C2orf74: variants seen among roughly 807,000 people sequenced by gnomAD.
C2orf74 encodes the protein DPM1 ER membrane anchor 1.
C2orf74 carries 14 observed loss-of-function variants against 17.9 expected under a neutral mutation model. The observed-to-expected ratio is 0.78, with a 90% confidence interval of 0.52 to 1.22. The LOEUF (loss-of-function observed/expected upper bound fraction) is 1.22, where lower values mean the gene tolerates loss of function less well. Ranked by LOEUF, C2orf74 falls within the 50% of genes most tolerant of loss-of-function variation. C2orf74 has a pLI of 0.00. For missense variants in C2orf74, 217 were observed against 218.4 expected (o/e 0.99, Z 0.04); for synonymous variants, 79 against 72.6 (o/e 1.09, Z -0.44).
At chr2:61,151,084 G>C (rs1184612137) in intron 1 of C2orf74, among the ~76,000 whole-genome samples, 1 of 152,010 alleles carries the variant, frequency 6.6e-6, no homozygotes. Flanking sequence ...TTGGGAGGCC[G>C]AGGCGGGAGG....
At position 61,162,593 on chromosome 2, in the gene C2orf74, G is replaced by A. The variant is rs781402672; in HGVS notation, c.79G>A (p.Val27Ile). 6.5e-6 allele frequency: 10 copies of A among 1,541,802 alleles called. No homozygotes were observed. Among genetic ancestry groups the A allele is most frequent in the Non-Finnish European group, 8.8e-6 (10 of 1,138,592 alleles). The part of the protein sequence containing the change: ...CLICILLLLV[V>I]FLYKCFQGRK... ...CATTTGCATCCTCCTCTTATTGGTGGTTTTTTTATATAAATGGTATAAATC... is the reference window on the plus strand; with the variant it reads ...CATTTGCATCCTCCTCTTATTGGTGATTTTTTTATATAAATGGTATAAATC... The change falls in exon 2 of 5, where the codon GTT becomes ATT. Residue 27 changes from valine (V) to isoleucine (I), a missense_variant. Coordinates refer to ENST00000432605, the MANE Select transcript of C2orf74 (RefSeq NM_001143959.4).
At position 61,150,781 on chromosome 2, in the gene C2orf74, G is replaced by A. The variant is rs530418473; in HGVS notation, c.-122+5585G>A. On this transcript the variant is annotated intron_variant, in intron 1 of 3. Transcript: ENST00000426997. ...CTTTTGTTGGAGTTTATGAGGAAAA[G>A]GCAAGGGAGGGCAAGCTAAACATCT... is the stretch of plus-strand genomic sequence containing the variant. 6.6e-5 allele frequency among the ~76,000 whole-genome samples: 10 copies of A among 152,282 alleles called. 1 individual carries two copies. In the South Asian group the frequency reaches 2.1e-3, roughly 32 times the overall value.
At chr2:61,162,661 T>C in intron 2 of C2orf74, 52 bp downstream of exon 2, 1 of 1,199,922 alleles carries the variant, frequency 8.3e-7, no homozygotes, top group Non-Finnish European at 1.2e-6. Context: ...CATTAGCAAA[T>C]GTGTATAGAA....
rs1041539460 is a variant in C2orf74, at chr2:61,164,484, C to G, written c.521C>G (p.Pro174Arg). The G allele has an allele frequency of 2.2e-5, 34 of 1,549,854 alleles. No homozygotes were observed. Among genetic ancestry groups the G allele is most frequent in the South Asian group, 1.6e-4 (13 of 83,696 alleles). The change falls in exon 5 of 5, where the codon CCT becomes CGT. Residue 174 changes from proline to arginine, a missense_variant. Physicochemically the swap from Pro to Arg is moderately radical, Grantham distance 103 (BLOSUM62 -2). Coordinates refer to ENST00000432605, the MANE Select transcript of C2orf74 (RefSeq NM_001143959.4). ...GTTGTGGATCTTGGGAATGAATACCCTACACCTCGAAGCTATACTCGAGAA... is the reference window on the plus strand; with the variant it reads ...GTTGTGGATCTTGGGAATGAATACCGTACACCTCGAAGCTATACTCGAGAA... ...VIVVDLGNEYPTPRSYTREHK... is the reference protein window; with the variant it reads ...VIVVDLGNEYRTPRSYTREHK...
chr2:61,157,074 C>T (rs987070601), intron 1 of C2orf74, among the ~76,000 whole-genome samples: 4 of 152,278 alleles, frequency 2.6e-5, no homozygotes, highest in African/African-American at 7.2e-5. Context: ...CTCACTCTGT[C>T]GCCCAGGCTG....
At chr2:61,162,355 A>G (rs1280425634) in intron 1 of C2orf74, 35 bp downstream of exon 1, 2 of 623,986 alleles carry the variant, frequency 3.2e-6, no homozygotes, top group Non-Finnish European at 5.6e-6. Flanking sequence ...AGCATCTTTC[A>G]TGAAGCTGAA....
At chr2:61,153,463 T>C (rs1476430879) in intron 1 of C2orf74, among the ~76,000 whole-genome samples, 6 of 151,520 alleles carry the variant, frequency 4.0e-5, no homozygotes, top group Non-Finnish European at 8.8e-5. Context: ...TTTGTATTTT[T>C]AGTAGAGACT....
Position 61,164,589 on chromosome 2 carries a change from G to A in C2orf74, c.*62G>A. 2 of 1,263,766 alleles carry A rather than the reference G, an allele frequency of 1.6e-6. No individual in the cohort carries two copies. Among genetic ancestry groups the A allele is most frequent in the South Asian group, 2.0e-5 (1 of 49,186 alleles). 78.3% of individuals were successfully genotyped at this position (1,263,766 alleles called of 1,614,324 possible). A position where few individuals can be genotyped will look rare whatever the true frequency, so the allele number is the denominator to read the frequency against. ...GTTTGACTAACGTTGAAAGACTGAG[G>A]GTACAAAATCATGTTGAAACAACAA... On this transcript the variant is annotated 3_prime_UTR_variant, in exon 5 of 5. Transcript: ENST00000432605.
upstream of C2orf74, among the ~76,000 whole-genome samples, chr2:61,160,402 C>T (rs1417793499): frequency 6.6e-6 from 1 of 152,224 alleles, no homozygotes; most frequent in African/African-American, 2.4e-5. Context: ...AGGTGATCCA[C>T]CCGCCTCAGC....
chr2:61,159,245 C>G (rs1214732619), upstream of C2orf74: 1 of 351,658 alleles, frequency 2.8e-6, no homozygotes, highest in Admixed American at 3.6e-5. Flanking sequence ...ATCCTCCTGC[C>G]TTGGCCTCCC....
Position 61,164,587 on chromosome 2 carries a change from A to G in C2orf74, c.*60A>G. On this transcript the variant is annotated 3_prime_UTR_variant, in exon 5 of 5. Transcript: ENST00000432605. ...ACGTTTGACTAACGTTGAAAGACTG[A>G]GGGTACAAAATCATGTTGAAACAAC... 7.7e-7 allele frequency: 1 copy of G among 1,292,362 alleles called. No individual in the cohort carries two copies. The highest frequency in any genetic ancestry group is 1.0e-6 in the Non-Finnish European group (1 of 976,166). 80.1% of individuals were successfully genotyped at this position (1,292,362 alleles called of 1,614,324 possible). A position where few individuals can be genotyped will look rare whatever the true frequency, so the allele number is the denominator to read the frequency against.
intron 2 of C2orf74, 105 bp from the exon 3 acceptor site, chr2:61,162,737 C>T: frequency 8.9e-7 from 1 of 1,119,934 alleles, no homozygotes; most frequent in Non-Finnish European, 1.3e-6. Flanking sequence ...TCCATTTCAG[C>T]ATTTTAGAAA....
chr2:61,154,124 G>C (rs1265243068), intron 1 of C2orf74, among the ~76,000 whole-genome samples: 1 of 148,318 alleles, frequency 6.7e-6, no homozygotes, highest in Admixed American at 6.7e-5. Flanking sequence ...CTGTAATCCA[G>C]TCGGGAGGCT....
chr2:61,146,892 C>T (rs1685088000), intron 1 of C2orf74, among the ~76,000 whole-genome samples: 1 of 151,218 alleles, frequency 6.6e-6, no homozygotes, highest in African/African-American at 2.4e-5. Context: ...GCTCACACCT[C>T]TAATCCCACC....
chr2:61,162,704 A>T (rs1446455728), intron 2 of C2orf74, 95 bp downstream of exon 2: 8 of 1,062,142 alleles, frequency 7.5e-6, no homozygotes, highest in Non-Finnish European at 1.1e-5. Flanking sequence ...AGAACAAGTA[A>T]TGATACCATA....
At chr2:61,153,523 T>G (rs1032520807) in intron 1 of C2orf74, among the ~76,000 whole-genome samples, 2 of 150,982 alleles carry the variant, frequency 1.3e-5, no homozygotes, top group East Asian at 4.1e-4. Context: ...ACCTCGTGAT[T>G]CACCCGCCTT....
At chr2:61,145,979 T>TA (rs1685058237) in intron 1 of C2orf74, among the ~76,000 whole-genome samples, 1 of 152,218 alleles carries the variant, frequency 6.6e-6, no homozygotes, top group Non-Finnish European at 1.5e-5. Flanking sequence ...CAGCAATCCT[T>TA]AGTGGTTATC....
upstream of C2orf74, among the ~76,000 whole-genome samples, chr2:61,159,117 C>G (rs1685486173): frequency 6.6e-6 from 1 of 152,074 alleles, no homozygotes; most frequent in African/African-American, 2.4e-5. Context: ...CTGCCTCAGC[C>G]TCCCAAGTAG....
Position 61,162,446 on chromosome 2 carries a change from A to G in C2orf74, c.-69A>G. On this transcript the variant is annotated 5_prime_UTR_variant, in exon 2 of 5. Coordinates refer to ENST00000432605, the MANE Select transcript of C2orf74 (RefSeq NM_001143959.4). ...TTAAAGAACAAGAGAACTGCATTCA[A>G]ATTGAGCTGGAAAAGAATATTTGGA... The G allele has an allele frequency of 8.4e-7, 1 of 1,187,544 alleles. No individual in the cohort carries two copies. The highest frequency in any genetic ancestry group is 1.2e-6 in the Non-Finnish European group (1 of 835,048). The allele number at this position is 1,187,544 out of a possible 1,614,324, so 73.6% of individuals were successfully genotyped here. A position where few individuals can be genotyped will look rare whatever the true frequency, so the allele number is the denominator to read the frequency against.
Sources: gnomAD v4.1 joint callset for allele counts (sites outside exome capture counted in the v4.1 genomes callset) on GRCh38, gnomAD v4.1.1 for gene constraint, MANE v1.5 for transcripts, NCBI Gene and HGNC (gene_info 2026-07-23, HGNC 2026-07-21) for gene names.